Variants in PHAX observed in about 807,000 individuals in gnomAD.
PHAX encodes phosphorylated adapter RNA export protein.
Under a neutral mutation model 41.6 loss-of-function variants are expected in PHAX, and 31 were observed. That is an observed-to-expected ratio of 0.75 (90% CI 0.56 to 1.01). PHAX has a LOEUF of 1.01. PHAX is among the 50% of genes least tolerant of loss of function. The pLI is 0.00. For synonymous variants in PHAX, 175 were observed against 164.9 expected (o/e 1.06, Z -0.47); for missense variants, 453 against 472.9 (o/e 0.96, Z 0.39).
chr5:126,611,498 T>G (rs868206189), intron 3 of PHAX, among the ~76,000 whole-genome samples: 37 of 152,194 alleles, frequency 2.4e-4, no homozygotes, highest in Middle Eastern at 6.8e-3. Flanking sequence ...TCAAGTATGT[T>G]AAAAAGTGAT....
intron 3 of PHAX, among the ~76,000 whole-genome samples, chr5:126,609,615 CA>C (rs560596648): frequency 6.5e-4 from 98 of 151,620 alleles, no homozygotes; most frequent in South Asian, 2.1e-3. Context: ...GGAGATGGTG[CA>C]CATGAAATAC....
chr5:126,618,673 T>A (rs893120753), intron 4 of PHAX, among the ~76,000 whole-genome samples: 3 of 132,100 alleles, frequency 2.3e-5, no homozygotes, highest in African/African-American at 3.3e-5. Context: ...AAAAACTGTT[T>A]TTTTTTTTTT....
At position 126,625,479 on chromosome 5, in the gene PHAX, C is replaced by T. The variant is rs1350417684; in HGVS notation, c.*635C>T. 6.6e-6 allele frequency: 1 copy of T among 152,070 alleles called. No individual in the cohort carries two copies. The highest frequency in any genetic ancestry group is 1.5e-5 in the Non-Finnish European group (1 of 68,104). 9.4% of individuals were successfully genotyped at this position (152,070 alleles called of 1,614,324 possible). A position where few individuals can be genotyped will look rare whatever the true frequency, so the allele number is the denominator to read the frequency against. Reference sequence around the variant, plus strand: ...AGGTGTGGTTCTCCATGCCTATAATCCCGGCTACTCGGGAGGCTGAGGCAG... The same window carrying T: ...AGGTGTGGTTCTCCATGCCTATAATTCCGGCTACTCGGGAGGCTGAGGCAG... On this transcript the variant is annotated 3_prime_UTR_variant, in exon 5 of 5. Coordinates refer to ENST00000297540, the MANE Select transcript of PHAX (RefSeq NM_032177.4).
At chr5:126,608,546 C>T in intron 3 of PHAX, 62 bp downstream of exon 3, 1 of 362,868 alleles carries the variant, frequency 2.8e-6, no homozygotes, top group South Asian at 3.1e-5. Flanking sequence ...TTTTTGATTA[C>T]AAATTTAACT....
rs1752367663 is a variant in PHAX at position 126,627,034 on chromosome 5, GC to G, written c.*2191del. On this transcript the variant is annotated 3_prime_UTR_variant, in exon 5 of 5. Coordinates refer to ENST00000297540, the MANE Select transcript of PHAX (RefSeq NM_032177.4). The stretch of plus-strand genomic sequence containing the variant: ...ACTATAGTTTACAAAAATATATTAA[GC>G]AAAAATATGCTTGATATATTAAGCA... The G allele has an allele frequency of 6.6e-6, 1 of 152,096 alleles. No individual in the cohort carries two copies. Among genetic ancestry groups the G allele is most frequent in the African/African-American group, 2.4e-5 (1 of 41,406 alleles). The allele number at this position is 152,096 out of a possible 1,614,324, so 9.4% of individuals were successfully genotyped here. A position where few individuals can be genotyped will look rare whatever the true frequency, so the allele number is the denominator to read the frequency against.
chr5:126,603,956 G>A lies in PHAX; in HGVS notation c.483G>A (p.Arg161=). Residue 161 remains arginine, a synonymous_variant, in exon 2 of 5, where the codon AGG becomes AGA. Transcript: ENST00000297540. The stretch of plus-strand genomic sequence containing the variant: ...ATTATTTGCTTGCCAAGAAACTTAG[G>A]AAGGAATCTCAAGAGCATACAAAAG... ...TYNYLLAKKL[R]KESQEHTKDL... The A allele has an allele frequency of 6.2e-7, 1 of 1,614,046 alleles. No individual in the cohort carries two copies.
At chr5:126,618,202 A>C (rs1036782001) in intron 4 of PHAX, among the ~76,000 whole-genome samples, 1 of 152,054 alleles carries the variant, frequency 6.6e-6, no homozygotes, top group Non-Finnish European at 1.5e-5. Context: ...AGCCTCCCAG[A>C]GTGTTGGGAT....
At chr5:126,607,084 T>C (rs1298278861) in intron 2 of PHAX, among the ~76,000 whole-genome samples, 1 of 152,218 alleles carries the variant, frequency 6.6e-6, no homozygotes, top group African/African-American at 2.4e-5. Context: ...AAATTACTAA[T>C]GAACAGTGTC....
At chr5:126,613,723 C>T (rs1207941003) in intron 3 of PHAX, among the ~76,000 whole-genome samples, 1 of 151,900 alleles carries the variant, frequency 6.6e-6, no homozygotes, top group Non-Finnish European at 1.5e-5. Context: ...ACAGTGATTA[C>T]CTATGGTTAG....
At chr5:126,624,015 T>TTG (rs1334503012) in intron 4 of PHAX, among the ~76,000 whole-genome samples, 1 of 150,058 alleles carries the variant, frequency 6.7e-6, no homozygotes, top group African/African-American at 2.5e-5. Flanking sequence ...TGGGTTTTTT[T>TTG]TTTTTTTTTT....
intron 3 of PHAX, among the ~76,000 whole-genome samples, chr5:126,613,130 C>T (rs998865872): frequency 6.6e-6 from 1 of 152,202 alleles, no homozygotes; most frequent in Non-Finnish European, 1.5e-5. Flanking sequence ...GGGCATATCA[C>T]CTGAGGTCAG....
At chr5:126,601,790 C>A (rs938982666) in intron 1 of PHAX, among the ~76,000 whole-genome samples, 1 of 152,186 alleles carries the variant, frequency 6.6e-6, no homozygotes, top group Non-Finnish European at 1.5e-5. Context: ...CCTCAGCCTC[C>A]CGAGTAGCTG....
intron 1 of PHAX, among the ~76,000 whole-genome samples, 168 bp downstream of exon 1, chr5:126,601,226 C>A (rs1751893131): frequency 6.6e-6 from 1 of 152,014 alleles, no homozygotes; most frequent in Non-Finnish European, 1.5e-5. Context: ...CAGACGTCCC[C>A]CAGGCGGGCT....
intron 1 of PHAX, 114 bp from the exon 2 acceptor site, chr5:126,603,456 T>A (rs1436752932): frequency 8.6e-7 from 1 of 1,165,030 alleles, no homozygotes; most frequent in Non-Finnish European, 1.2e-6. Flanking sequence ...CAGATTTGTC[T>A]TTGAAGATCA....
Position 126,624,758 on chromosome 5 carries a change from G to C in PHAX, c.1099G>C (p.Glu367Gln). 6.2e-7 allele frequency: 1 copy of C among 1,614,144 alleles called. No homozygotes were observed. The highest frequency in any genetic ancestry group is 8.5e-7 in the Non-Finnish European group (1 of 1,180,004). The change falls in exon 5 of 5, where the codon GAG (glutamate) becomes CAG (glutamine). Residue 367 changes from glutamate to glutamine, a missense_variant. Coordinates refer to ENST00000297540, the MANE Select transcript of PHAX (RefSeq NM_032177.4). ...DTNEALASLD[E>Q]SQEGHAEAKL... ...GAATGAGGCCTTGGCCTCTCTTGAT[G>C]AGTCACAGGAAGGACATGCAGAAGC...
chr5:126,615,892 A>G (rs772599021), intron 3 of PHAX, among the ~76,000 whole-genome samples: 5 of 152,094 alleles, frequency 3.3e-5, no homozygotes, highest in Non-Finnish European at 7.4e-5. Flanking sequence ...TACCATGACT[A>G]TTGAGAAGCC....
chr5:126,608,410 A>G lies in PHAX; in HGVS notation c.757A>G (p.Ile253Val), dbSNP rs371431129. The change falls in exon 3 of 5, where the codon ATT becomes GTT. Residue 253 changes from isoleucine (I) to valine (V), a missense_variant. Ile to Val is a conservative substitution (Grantham distance 29, BLOSUM62 3). Transcript: ENST00000297540. ...KDLIARVVRIIGNKKAIELLM... is the reference protein window; with the variant it reads ...KDLIARVVRIVGNKKAIELLM... Reference sequence around the variant, plus strand: ...CCTGATAGCCCGAGTAGTGAGGATTATTGGTAACAAAAAGGCAATTGAACT... The same window carrying G: ...CCTGATAGCCCGAGTAGTGAGGATTGTTGGTAACAAAAAGGCAATTGAACT... 2.2e-5 allele frequency: 35 copies of G among 1,613,738 alleles called. No homozygotes were observed. The highest frequency in any genetic ancestry group is 2.9e-5 in the Non-Finnish European group (34 of 1,179,756).
intron 3 of PHAX, among the ~76,000 whole-genome samples, chr5:126,612,491 G>C (rs1752117876): frequency 6.6e-6 from 1 of 152,144 alleles, no homozygotes; most frequent in Admixed American, 6.5e-5. Flanking sequence ...CCTGAGGTCA[G>C]GAGTTGAGAC....
intron 3 of PHAX, among the ~76,000 whole-genome samples, chr5:126,610,396 C>T (rs1196244437): frequency 2.0e-5 from 3 of 151,962 alleles, no homozygotes; most frequent in Admixed American, 2.0e-4. Context: ...GGGAGTAGAT[C>T]AATATTGTGC....
Sources: gnomAD v4.1 joint callset for allele counts (sites outside exome capture counted in the v4.1 genomes callset) on GRCh38, gnomAD v4.1.1 for gene constraint, MANE v1.5 for transcripts, NCBI Gene and HGNC (gene_info 2026-07-23, HGNC 2026-07-21) for gene names.